FRAS1: variants seen among roughly 807,000 people sequenced by gnomAD.
FRAS1 encodes the protein extracellular matrix organizing protein FRAS1.
A neutral mutation model predicts 435.2 loss-of-function variants in FRAS1; 290 were observed. The observed-to-expected ratio is 0.67, with a 90% CI of 0.61 to 0.73. The LOEUF is 0.73. Among genes scored for constraint, FRAS1 ranks in the 30% least tolerant of loss-of-function variants. FRAS1 has a pLI of 0.00. For synonymous variants in FRAS1, 1,800 were observed against 1,851.0 expected (o/e 0.97, Z 0.71); for missense variants, 4,860 against 5,001.5 (o/e 0.97, Z 0.85).
rs914272465 is a variant in FRAS1, at chr4:78,519,441, G to A, written c.10500G>A (p.Met3500Ile). Residue 3500 changes from methionine (M) to isoleucine (I), a missense_variant, in exon 67 of 74, where the codon ATG (methionine) becomes ATA (isoleucine). Coordinates refer to ENST00000512123, the MANE Select transcript of FRAS1 (RefSeq NM_025074.7). The stretch of plus-strand genomic sequence containing the variant: ...CCTCCTTGGAGCACCACACCGAGAT[G>A]GAGTTTTCTTTCTTCTATGACACTG... ...GWASLEHHTE[M>I]EFSFFYDTVL... The A allele has an allele frequency of 1.2e-6, 2 of 1,612,014 alleles. No individual in the cohort carries two copies. Among genetic ancestry groups the A allele is most frequent in the Non-Finnish European group, 1.7e-6 (2 of 1,179,228 alleles).
At chr4:78,347,274 C>T (rs1207442257) in intron 20 of FRAS1, among the ~76,000 whole-genome samples, 4 of 152,188 alleles carry the variant, frequency 2.6e-5, no homozygotes, top group African/African-American at 7.2e-5. Context: ...ATCTCTGTTT[C>T]TGCTGCAAAA....
At chr4:78,117,061 A>C (rs1015745953) in intron 2 of FRAS1, among the ~76,000 whole-genome samples, 6 of 152,172 alleles carry the variant, frequency 3.9e-5, no homozygotes, top group Non-Finnish European at 8.8e-5. Flanking sequence ...GTTTGTCTCT[A>C]AAGGATTTTA....
chr4:78,447,787 T>G (rs1006822585), intron 43 of FRAS1, among the ~76,000 whole-genome samples: 1 of 152,322 alleles, frequency 6.6e-6, no homozygotes, highest in Middle Eastern at 3.4e-3. Context: ...GATTTGTAAG[T>G]CACTGTATTA....
intron 2 of FRAS1, 87 bp downstream of exon 2, chr4:78,066,103 A>T: frequency 1.1e-6 from 1 of 872,976 alleles, no homozygotes; most frequent in Non-Finnish European, 1.9e-6. Context: ...TGACCCTATC[A>T]TTGTAGAATA....
intron 6 of FRAS1, among the ~76,000 whole-genome samples, chr4:78,256,021 G>A (rs1486121785): frequency 6.6e-6 from 1 of 152,134 alleles, no homozygotes; most frequent in Admixed American, 6.5e-5. Context: ...GCAGTTGATA[G>A]GTAACCATGA....
chr4:78,114,646 T>C (rs1436063346), intron 2 of FRAS1, among the ~76,000 whole-genome samples: 1 of 152,226 alleles, frequency 6.6e-6, no homozygotes, highest in Non-Finnish European at 1.5e-5. Context: ...TATTGGTGTA[T>C]AAGAATGCTT....
intron 10 of FRAS1, among the ~76,000 whole-genome samples, chr4:78,279,549 G>T (rs866486424): frequency 1.3e-5 from 2 of 152,174 alleles, no homozygotes; most frequent in South Asian, 4.2e-4. Flanking sequence ...GGTAAAAAGT[G>T]AACAGGCTCT....
rs1490064862 is a variant in FRAS1, at chr4:78,317,405, A to G, written c.1857A>G (p.Thr619=). ...CATGTGCCAGCTGCTCTGGGCCCAC[A>G]CCCTCTCACTGTACAGCCTGCAGCC... ...HNSCASCSGP[T]PSHCTACSPP... is the part of the protein sequence containing the mutation. The change falls in exon 17 of 74, where the codon ACA becomes ACG. Residue 619 remains threonine, a synonymous_variant. Coordinates refer to ENST00000512123, the MANE Select transcript of FRAS1 (RefSeq NM_025074.7). 1 of 1,613,672 alleles carries G rather than the reference A, an allele frequency of 6.2e-7. No homozygotes were observed. Among genetic ancestry groups the G allele is most frequent in the Admixed American group, 1.7e-5 (1 of 60,018 alleles).
intron 56 of FRAS1, among the ~76,000 whole-genome samples, chr4:78,480,251 C>T (rs886280840): frequency 6.6e-6 from 1 of 152,152 alleles, no homozygotes; most frequent in African/African-American, 2.4e-5. Context: ...ACTACTCTTC[C>T]CATCCTCTGG....
At chr4:78,198,071 A>G (rs554009147) in intron 2 of FRAS1, among the ~76,000 whole-genome samples, 3 of 152,284 alleles carry the variant, frequency 2.0e-5, no homozygotes, top group African/African-American at 7.2e-5. Context: ...GGGTTGCAGG[A>G]GAGTGACAGT....
chr4:78,315,055 A>AG (rs1229768103), intron 15 of FRAS1, among the ~76,000 whole-genome samples: 5 of 152,168 alleles, frequency 3.3e-5, no homozygotes, highest in Admixed American at 2.0e-4. Flanking sequence ...CATATGTTTT[A>AG]GGTGGTAAAT....
chr4:78,211,438 T>C (rs1462068341), intron 2 of FRAS1, among the ~76,000 whole-genome samples: 2 of 152,236 alleles, frequency 1.3e-5, no homozygotes, highest in Non-Finnish European at 2.9e-5. Flanking sequence ...GAAGGGGCTA[T>C]GACTAAAATA....
intron 2 of FRAS1, among the ~76,000 whole-genome samples, chr4:78,133,387 G>A (rs1719770967): frequency 6.6e-6 from 1 of 152,024 alleles, no homozygotes; most frequent in Admixed American, 6.5e-5. Flanking sequence ...GGGTAGTGGG[G>A]TGGGAGGGAG....
At chr4:78,296,074 CT>C (rs958425043) in intron 14 of FRAS1, among the ~76,000 whole-genome samples, 29 of 148,280 alleles carry the variant, frequency 2.0e-4, no homozygotes, top group Admixed American at 4.1e-4. Flanking sequence ...TCTTTCTTGA[CT>C]TTTTTTTTTC....
intron 47 of FRAS1, among the ~76,000 whole-genome samples, chr4:78,459,937 T>G (rs539718889): frequency 2.4e-4 from 36 of 152,342 alleles, no homozygotes; most frequent in Middle Eastern, 6.8e-3. Flanking sequence ...GTGATCTAAT[T>G]ACATCTACAA....
chr4:78,289,330 C>G (rs1490675401), intron 14 of FRAS1, among the ~76,000 whole-genome samples: 1 of 151,768 alleles, frequency 6.6e-6, no homozygotes, highest in East Asian at 1.9e-4. Context: ...ACTATTGTTA[C>G]ATATTTTGCA....
At chr4:78,135,055 A>T (rs965867901) in intron 2 of FRAS1, among the ~76,000 whole-genome samples, 1 of 152,180 alleles carries the variant, frequency 6.6e-6, no homozygotes, top group African/African-American at 2.4e-5. Context: ...ATCATCAGCA[A>T]TGTCATGGGG....
chr4:78,500,898 A>T (rs1226445821), intron 61 of FRAS1, among the ~76,000 whole-genome samples: 1 of 152,154 alleles, frequency 6.6e-6, no homozygotes, highest in Non-Finnish European at 1.5e-5. Context: ...TCTGTAGACT[A>T]AGAAAGGGGC....
At chr4:78,156,504 C>CCA (rs1173657629) in intron 2 of FRAS1, among the ~76,000 whole-genome samples, 1 of 151,980 alleles carries the variant, frequency 6.6e-6, no homozygotes, top group Non-Finnish European at 1.5e-5. Context: ...GTGGCCAGAG[C>CCA]CAGCCCTCTG....
Sources: allele counts gnomAD v4.1 joint callset (sites outside exome capture counted in the v4.1 genomes callset), GRCh38; gene constraint gnomAD v4.1.1; transcripts MANE v1.5; gene names NCBI Gene and HGNC (gene_info 2026-07-23, HGNC 2026-07-21).